IL1RAPL1: variants seen among roughly 807,000 people sequenced by gnomAD.
The protein encoded by IL1RAPL1 is interleukin-1 receptor accessory protein-like 1.
IL1RAPL1 carries 3 observed loss-of-function variants against 48.4 expected under a neutral mutation model. That is an observed-to-expected ratio of 0.06 (90% CI 0.03 to 0.16). IL1RAPL1 has a LOEUF of 0.16. IL1RAPL1 is among the 10% of genes least tolerant of loss of function. The probability of loss-of-function intolerance (pLI) is 1.00; values close to 1 mark genes in which losing one functional copy is unlikely to be tolerated. For synonymous variants in IL1RAPL1, 185 were observed against 187.7 expected (o/e 0.99, Z 0.12); for missense variants, 349 against 530.6 (o/e 0.66, Z 3.36).
chrX:29,393,127 C>T (rs995288021), intron 3 of IL1RAPL1, among the ~76,000 whole-genome samples: 2 of 107,578 alleles, frequency 1.9e-5, no homozygotes, highest in Non-Finnish European at 1.9e-5. Context: ...GTAACTTTCC[C>T]TAGTTTTCTG....
chrX:29,159,906 T>G (rs1189148937), intron 2 of IL1RAPL1, among the ~76,000 whole-genome samples: 1 of 111,072 alleles, frequency 9.0e-6, no homozygotes, highest in East Asian at 2.8e-4. Context: ...AGATGGGGTT[T>G]CTCCATGTTG....
rs187021843 is a variant in IL1RAPL1 at position 29,004,664 on chromosome X, C to T, written c.82+215239C>T. On this transcript the variant is annotated intron_variant, in intron 2 of 10. Transcript: ENST00000378993. ...TTGGGAGAATTCTTACAAATTTCAT[C>T]GGCTATATACCAAACCTGAAGAAAA... 4.5e-3 allele frequency among the ~76,000 whole-genome samples: 502 copies of T among 111,757 alleles called. 3 individuals are homozygous for T. Among genetic ancestry groups the T allele is most frequent in the African/African-American group, 0.015 (476 of 30,747 alleles).
intron 5 of IL1RAPL1, among the ~76,000 whole-genome samples, chrX:29,557,057 T>C (rs1329402884): frequency 8.9e-6 from 1 of 112,040 alleles, no homozygotes; most frequent in African/African-American, 3.2e-5. Context: ...TTCAGCCCTT[T>C]ATTATAGTCA....
intron 1 of IL1RAPL1, among the ~76,000 whole-genome samples, chrX:28,721,006 T>G (rs1313941268): frequency 8.9e-6 from 1 of 112,429 alleles, no homozygotes; most frequent in Non-Finnish European, 1.9e-5. Flanking sequence ...GATGGACATT[T>G]GGGTTGGTTC....
chrX:29,888,160 T>G (rs1165930523), intron 6 of IL1RAPL1, among the ~76,000 whole-genome samples: 3 of 110,814 alleles, frequency 2.7e-5, no homozygotes, highest in African/African-American at 9.9e-5. Context: ...GTTGAGCTCC[T>G]TGAAAAAATT....
At chrX:29,297,554 A>T (rs1385848973) in intron 3 of IL1RAPL1, among the ~76,000 whole-genome samples, 1 of 112,399 alleles carries the variant, frequency 8.9e-6, no homozygotes, top group Non-Finnish European at 1.9e-5. Flanking sequence ...ACTCTTCTGG[A>T]TAGCTCTTAT....
intron 2 of IL1RAPL1, among the ~76,000 whole-genome samples, chrX:29,255,868 C>T (rs1461124372): frequency 1.8e-5 from 2 of 111,564 alleles, no homozygotes; most frequent in African/African-American, 6.5e-5. Flanking sequence ...TGTTGATGGG[C>T]ACCTGGGTTG....
chrX:28,889,168 C>A (rs185986995), intron 2 of IL1RAPL1, among the ~76,000 whole-genome samples: 1 of 111,402 alleles, frequency 9.0e-6, no homozygotes, highest in African/African-American at 3.3e-5. Flanking sequence ...ATTATTAATA[C>A]TCCACTACTA....
chrX:29,671,391 A>G (rs1279733479), intron 6 of IL1RAPL1, among the ~76,000 whole-genome samples: 1 of 112,222 alleles, frequency 8.9e-6, no homozygotes, highest in Non-Finnish European at 1.9e-5. Context: ...AAAGCAAAGT[A>G]CTTAGGAAAA....
intron 2 of IL1RAPL1, among the ~76,000 whole-genome samples, chrX:28,974,955 T>G (rs1794836407): frequency 8.9e-6 from 1 of 112,499 alleles, no homozygotes; most frequent in Non-Finnish European, 1.9e-5. Flanking sequence ...ACACACATTT[T>G]AAATGCATGC....
At position 29,917,457 on chromosome X, in the gene IL1RAPL1, T is replaced by G; in HGVS notation, c.779-7T>G. On this transcript the variant is annotated splice_polypyrimidine_tract_variant and splice_region_variant and intron_variant, in intron 6 of 10. Coordinates refer to ENST00000378993, the MANE Select transcript of IL1RAPL1 (RefSeq NM_014271.4). The stretch of plus-strand genomic sequence containing the variant: ...TTATAACACTTTTCCATCACTTCTC[T>G]CTGCAGGTGACTCTGCTAATCTAAC... 5.0e-6 allele frequency: 6 copies of G among 1,209,060 alleles called. No homozygotes were observed. Among genetic ancestry groups the G allele is most frequent in the Non-Finnish European group, 6.7e-6 (6 of 893,305 alleles).
intron 5 of IL1RAPL1, among the ~76,000 whole-genome samples, chrX:29,414,424 T>C (rs1156333082): frequency 2.7e-5 from 3 of 111,930 alleles, no homozygotes; most frequent in African/African-American, 9.7e-5. Context: ...TGGAGCATAT[T>C]TTTAAAATTA....
At chrX:29,652,001 A>G (rs1024819664) in intron 5 of IL1RAPL1, among the ~76,000 whole-genome samples, 7 of 111,981 alleles carry the variant, frequency 6.3e-5, no homozygotes, top group African/African-American at 1.9e-4. Flanking sequence ...CAAGATGAAT[A>G]AGTTTTCTAA....
chrX:28,745,771 T>G (rs1935968766), intron 1 of IL1RAPL1, among the ~76,000 whole-genome samples: 1 of 111,550 alleles, frequency 9.0e-6, no homozygotes, highest in Non-Finnish European at 1.9e-5. Flanking sequence ...ATGTACAATA[T>G]AGGAAGAGAA....
At chrX:29,124,282 G>A (rs753720385) in intron 2 of IL1RAPL1, among the ~76,000 whole-genome samples, 1 of 112,160 alleles carries the variant, frequency 8.9e-6, no homozygotes, top group East Asian at 2.8e-4. Flanking sequence ...GGGCATAGAA[G>A]GTACTAGAGC....
intron 2 of IL1RAPL1, among the ~76,000 whole-genome samples, chrX:29,187,391 C>T (rs769236793): frequency 9.0e-6 from 1 of 111,419 alleles, no homozygotes; most frequent in East Asian, 2.8e-4. Context: ...AGTATTGGGA[C>T]AGAGGCAAAT....
chrX:29,323,089 G>A (rs889501250), intron 3 of IL1RAPL1, among the ~76,000 whole-genome samples: 2 of 111,874 alleles, frequency 1.8e-5, no homozygotes, highest in African/African-American at 6.5e-5. Context: ...GAGTCTCATC[G>A]TCCACTTAAG....
chrX:29,634,859 G>C (rs749105150), intron 5 of IL1RAPL1, among the ~76,000 whole-genome samples: 1 of 111,510 alleles, frequency 9.0e-6, no homozygotes, highest in Non-Finnish European at 1.9e-5. Context: ...CAGATAAAAC[G>C]AACTATTAGA....
At chrX:28,881,438 G>A (rs142381294) in intron 2 of IL1RAPL1, among the ~76,000 whole-genome samples, 220 of 111,487 alleles carry the variant, frequency 2.0e-3, no homozygotes, top group Non-Finnish European at 3.2e-3. Flanking sequence ...AGACGACAGA[G>A]AATCTTGTTT....
Sources: allele counts gnomAD v4.1 joint callset (sites outside exome capture counted in the v4.1 genomes callset), GRCh38; gene constraint gnomAD v4.1.1; transcripts MANE v1.5; gene names NCBI Gene and HGNC (gene_info 2026-07-23, HGNC 2026-07-21).